IL1RL2: variants seen among roughly 807,000 people sequenced by gnomAD.
IL1RL2 encodes the protein interleukin 1 receptor like 2.
Under a neutral mutation model 66.8 loss-of-function variants are expected in IL1RL2, and 68 were observed. That is an observed-to-expected ratio of 1.02 (90% confidence interval 0.84 to 1.25). The LOEUF (loss-of-function observed/expected upper bound fraction) is 1.25, where lower values mean the gene tolerates loss of function less well. IL1RL2 is among the 50% of genes most tolerant of loss of function. The pLI is 0.00. For synonymous variants in IL1RL2, 305 were observed against 264.6 expected, an observed-to-expected ratio of 1.15 and a Z score of -1.48; for missense variants, 729 against 709.3, an observed-to-expected ratio of 1.03 and a Z score of -0.32.
At chr2:102,216,123 C>T (rs563179121) in intron 6 of IL1RL2, among the ~76,000 whole-genome samples, 1 of 152,178 alleles carries the variant, frequency 6.6e-6, no homozygotes, top group South Asian at 2.1e-4. Context: ...CAAGAGAATA[C>T]AAGCAAATAA....
chr2:102,195,689 TCTTC>T (rs1277509534), intron 4 of IL1RL2, among the ~76,000 whole-genome samples: 19 of 136,736 alleles, frequency 1.4e-4, no homozygotes, highest in South Asian at 7.6e-4. Context: ...CTTTCTTCTT[TCTTC>T]CTTCCTTCCT....
chr2:102,239,229 C>G lies in IL1RL2; in HGVS notation c.1716C>G (p.Leu572=), dbSNP rs977774195. 2.5e-6 allele frequency: 4 copies of G among 1,614,018 alleles called. No individual in the cohort carries two copies. The highest frequency in any genetic ancestry group is 3.4e-6 in the Non-Finnish European group (4 of 1,179,894). ...GCTCAAGAAGAAAGAAGTGTACTCT[C>G]ACGACTGGCTAAGACTTGCTGGACT... ...ELGSRRKKCT[L]TTG is the part of the protein sequence containing the mutation. The change falls in exon 12 of 12, where the codon CTC becomes CTG. Residue 572 remains leucine, a synonymous_variant. Transcript: ENST00000264257.
intron 5 of IL1RL2, among the ~76,000 whole-genome samples, chr2:102,211,563 C>G (rs904859695): frequency 1.3e-5 from 2 of 152,168 alleles, no homozygotes; most frequent in African/African-American, 4.8e-5. Flanking sequence ...CCCATTCCCA[C>G]CAGTTCCCAA....
chr2:102,231,680 G>A (rs1691149576), intron 9 of IL1RL2, among the ~76,000 whole-genome samples: 1 of 152,076 alleles, frequency 6.6e-6, no homozygotes, highest in Admixed American at 6.6e-5. Context: ...CATGTGGATG[G>A]TCTGCCCAGT....
chr2:102,235,140 A>T lies in IL1RL2; in HGVS notation c.1541A>T (p.His514Leu), dbSNP rs2104898828. The T allele has an allele frequency of 1.2e-6, 2 of 1,614,230 alleles. No homozygotes were observed. The highest frequency in any genetic ancestry group is 2.2e-5 in the East Asian group (1 of 44,882). The change falls in exon 11 of 12, where the codon CAT becomes CTT. Residue 514 changes from histidine (H) to leucine (L), a missense_variant. His to Leu is a moderately conservative substitution (Grantham distance 99). Coordinates refer to ENST00000264257, the MANE Select transcript of IL1RL2 (RefSeq NM_003854.4). ...CAGAAGCATGGTGCCATCCGGTGGCATGGGGACTTCACGGAGCAGTCACAG... is the reference window on the plus strand; with the variant it reads ...CAGAAGCATGGTGCCATCCGGTGGCTTGGGGACTTCACGGAGCAGTCACAG... ...IKQKHGAIRW[H>L]GDFTEQSQCM...
chr2:102,241,053 C>T (rs1675217759), downstream of IL1RL2, among the ~76,000 whole-genome samples: 1 of 152,244 alleles, frequency 6.6e-6, no homozygotes, highest in South Asian at 2.1e-4. Flanking sequence ...TCACAGAGCC[C>T]CGTTCAGGCT....
chr2:102,193,577 C>T (rs575530459), intron 4 of IL1RL2, among the ~76,000 whole-genome samples: 110 of 152,264 alleles, frequency 7.2e-4, no homozygotes, highest in African/African-American at 2.6e-3. Flanking sequence ...GTCTCGAACT[C>T]CTGGCCTCAA....
At chr2:102,239,084 G>A in intron 11 of IL1RL2, 108 bp from the exon 12 acceptor site, 1 of 907,442 alleles carries the variant, frequency 1.1e-6, no homozygotes, top group Non-Finnish European at 1.8e-6. Flanking sequence ...ACCACCAGAT[G>A]AACTGACGGC....
rs1675148114 is a variant in IL1RL2, at chr2:102,239,519, C to G, written c.*278C>G. On this transcript the variant is annotated 3_prime_UTR_variant, in exon 12 of 12. Transcript: ENST00000264257. Reference sequence around the variant, plus strand: ...TGAGGGCTGGTCGGGGGAGGCATCCCCAAGTCATGGTGGGTGAGAGCTCGG... The same window carrying G: ...TGAGGGCTGGTCGGGGGAGGCATCCGCAAGTCATGGTGGGTGAGAGCTCGG... 5.4e-6 allele frequency: 2 copies of G among 373,480 alleles called. No individual in the cohort carries two copies. Among genetic ancestry groups the G allele is most frequent in the African/African-American group, 2.1e-5 (1 of 47,218 alleles). The allele number at this position is 373,480 out of a possible 1,614,324, so 23.1% of individuals were successfully genotyped here. A position where few individuals can be genotyped will look rare whatever the true frequency, so the allele number is the denominator to read the frequency against.
At chr2:102,188,183 G>C (rs777504520) in intron 2 of IL1RL2, among the ~76,000 whole-genome samples, 6 of 152,224 alleles carry the variant, frequency 3.9e-5, no homozygotes, top group African/African-American at 1.2e-4. Context: ...GAAGACTTGA[G>C]TAACAATGCT....
At chr2:102,216,427 G>A (rs534327823) in intron 6 of IL1RL2, among the ~76,000 whole-genome samples, 5 of 151,772 alleles carry the variant, frequency 3.3e-5, no homozygotes, top group South Asian at 2.1e-4. Flanking sequence ...TTCACTTTTC[G>A]TGTATATGTA....
chr2:102,237,172 C>T (rs1234027781), intron 11 of IL1RL2, among the ~76,000 whole-genome samples: 1 of 152,210 alleles, frequency 6.6e-6, no homozygotes, highest in Non-Finnish European at 1.5e-5. Flanking sequence ...CCTCTGGCTG[C>T]CTCCATCCTG....
chr2:102,187,769 C>CT, intron 1 of IL1RL2, 87 bp from the exon 2 acceptor site: 1 of 1,158,122 alleles, frequency 8.6e-7, no homozygotes, highest in South Asian at 1.2e-5. Context: ...GGGCGGTTGT[C>CT]TTTGAGATTC....
chr2:102,222,800 C>T (rs1690254019), intron 8 of IL1RL2, among the ~76,000 whole-genome samples: 1 of 152,204 alleles, frequency 6.6e-6, no homozygotes, highest in South Asian at 2.1e-4. Context: ...GAGACAGAGA[C>T]TCAGGGTCCA....
At chr2:102,210,807 G>T (rs1301251378) in intron 5 of IL1RL2, among the ~76,000 whole-genome samples, 5 of 152,194 alleles carry the variant, frequency 3.3e-5, no homozygotes, top group African/African-American at 7.2e-5. Context: ...TGGAGGTCCA[G>T]AGTAGGTCAT....
intron 9 of IL1RL2, among the ~76,000 whole-genome samples, chr2:102,228,034 G>A (rs1044038295): frequency 6.6e-6 from 1 of 152,232 alleles, no homozygotes; most frequent in South Asian, 2.1e-4. Flanking sequence ...AGACTGGGAC[G>A]CAGCCCAGAT....
In IL1RL2 at chr2:102,239,580, T is replaced by C. The variant is rs1220579994; in HGVS notation, c.*339T>C. On this transcript the variant is annotated 3_prime_UTR_variant, in exon 12 of 12. Coordinates refer to ENST00000264257, the MANE Select transcript of IL1RL2 (RefSeq NM_003854.4). ...TGTCATGGTGGGTGAGATCTGGGGG[T>C]ATCCCTGTGTCATGGTGGGTGAGGG... The C allele has an allele frequency of 4.0e-6, 1 of 247,538 alleles. No homozygotes were observed. Among genetic ancestry groups the C allele is most frequent in the East Asian group, 7.6e-5 (1 of 13,196 alleles). 15.3% of individuals were successfully genotyped at this position (247,538 alleles called of 1,614,324 possible).
rs1309639819 is a variant in IL1RL2, at chr2:102,235,595, T to C, written c.1678+318T>C. 19 of 985,234 alleles carry C rather than the reference T, an allele frequency of 1.9e-5. 1 individual carries two copies. The South Asian group carries it at 8.0e-4, about 41-fold the overall frequency. 61.0% of individuals were successfully genotyped at this position (985,234 alleles called of 1,614,324 possible). A position where few individuals can be genotyped will look rare whatever the true frequency, so the allele number is the denominator to read the frequency against. On this transcript the variant is annotated intron_variant, in intron 11 of 11. Coordinates refer to ENST00000264257, the MANE Select transcript of IL1RL2 (RefSeq NM_003854.4). ...AACAGGACATGGAGGGTTTTAGAAA[T>C]GGCAGTGGACATGCCCGGAAGTTTG...
intron 5 of IL1RL2, among the ~76,000 whole-genome samples, chr2:102,204,013 G>A (rs144005067): frequency 3.9e-5 from 6 of 151,922 alleles, no homozygotes; most frequent in Admixed American, 2.0e-4. Context: ...TTTGATGTAG[G>A]CACTTATAGC....
Sources: allele counts gnomAD v4.1 joint callset (sites outside exome capture counted in the v4.1 genomes callset), GRCh38; gene constraint gnomAD v4.1.1; transcripts MANE v1.5; gene names NCBI Gene and HGNC (gene_info 2026-07-23, HGNC 2026-07-21).